SLC4A9: variants seen among roughly 807,000 people sequenced by gnomAD.
SLC4A9 encodes the protein anion exchange protein 4.
A neutral mutation model predicts 103.2 loss-of-function variants in SLC4A9; 102 were observed. The observed-to-expected ratio is 0.99, with a 90% CI of 0.84 to 1.17. SLC4A9 has a LOEUF of 1.17. Ranked by LOEUF, SLC4A9 falls within the 50% of genes most tolerant of loss-of-function variation. The probability of loss-of-function intolerance (pLI) is 0.00; values close to 1 mark genes in which losing one functional copy is unlikely to be tolerated. For synonymous variants in SLC4A9, 453 were observed against 483.6 expected, an observed-to-expected ratio of 0.94 and a Z score of 0.83; for missense variants, 1,091 against 1,193.7, an observed-to-expected ratio of 0.91 and a Z score of 1.27.
In SLC4A9 at chr5:140,361,870, G is replaced by A; in HGVS notation, c.561+7G>A. 1.9e-6 allele frequency: 3 copies of A among 1,613,662 alleles called. No individual in the cohort carries two copies. Among genetic ancestry groups the A allele is most frequent in the East Asian group, 4.5e-5 (2 of 44,880 alleles). ...AGCCCCCCTGAGGGAACAGGTTTGT[G>A]GCCCTTCCTTGGGGTCCCTTTCCAG... is the stretch of plus-strand genomic sequence containing the variant. On this transcript the variant is annotated splice_region_variant and intron_variant, in intron 4 of 21. Coordinates refer to ENST00000506757, the MANE Select transcript of SLC4A9 (RefSeq NM_031467.3).
rs779714838 is a variant in SLC4A9, at chr5:140,363,699, C to G, written c.1080-29C>G. Reference sequence around the variant, plus strand: ...GGATGCGGGTGTGGAGTGTGAAAACCTGGATCACTGACGACCCTCGGGCGG... The same window carrying G: ...GGATGCGGGTGTGGAGTGTGAAAACGTGGATCACTGACGACCCTCGGGCGG... On this transcript the variant is annotated intron_variant, in intron 8 of 21. Coordinates refer to ENST00000506757, the MANE Select transcript of SLC4A9 (RefSeq NM_031467.3). The surrounding 1 kb of genome is among the most constrained non-coding windows in gnomAD (Gnocchi z 4.5). 30 of 1,611,238 alleles carry G rather than the reference C, an allele frequency of 1.9e-5. No homozygotes were observed. The highest frequency in any genetic ancestry group is 2.3e-5 in the Non-Finnish European group (27 of 1,178,540).
In SLC4A9 at chr5:140,360,987, T is replaced by G. The variant is rs944662779; in HGVS notation, c.391+15T>G. 1.2e-5 allele frequency: 19 copies of G among 1,553,958 alleles called. No individual in the cohort carries two copies. The highest frequency in any genetic ancestry group is 1.6e-5 in the Non-Finnish European group (18 of 1,148,180). Reference sequence around the variant, plus strand: ...GGAGCTCGTGGGTAGGCTGGGATCCTTTGCAGGAAGGGCCTGGGTAGCCAT... The same window carrying G: ...GGAGCTCGTGGGTAGGCTGGGATCCGTTGCAGGAAGGGCCTGGGTAGCCAT... On this transcript the variant is annotated intron_variant, in intron 2 of 21. Transcript: ENST00000506757.
intron 17 of SLC4A9, 21 bp from the exon 18 acceptor site, chr5:140,371,074 C>T: frequency 6.2e-7 from 1 of 1,603,262 alleles, no homozygotes; most frequent in East Asian, 2.2e-5. Flanking sequence ...ACTTTGATAA[C>T]TCTCTGCTTC....
chr5:140,374,474 C>T (rs948752263), intron 21 of SLC4A9, among the ~76,000 whole-genome samples: 10 of 141,134 alleles, frequency 7.1e-5, no homozygotes, highest in African/African-American at 1.6e-4. Flanking sequence ...TGCCTGAACC[C>T]GGGAGGCGGA....
At chr5:140,370,990 A>G (rs1282059007) in intron 17 of SLC4A9, 105 bp from the exon 18 acceptor site, 3 of 942,640 alleles carry the variant, frequency 3.2e-6, no homozygotes, top group Non-Finnish European at 5.0e-6. Flanking sequence ...GCCTGGGCAG[A>G]CCTGGATGCT....
At position 140,368,663 on chromosome 5, in the gene SLC4A9, C is replaced by G. The variant is rs544378572; in HGVS notation, c.2427+4C>G. The G allele has an allele frequency of 1.2e-6, 2 of 1,612,634 alleles. No homozygotes were observed. The highest frequency in any genetic ancestry group is 2.2e-5 in the South Asian group (2 of 90,870). ...CTTCCTGGCACCTGTGCTCAAGGTA[C>G]CTTTGTTATACAAGCCAGGATCAGG... On this transcript the variant is annotated splice_donor_region_variant and intron_variant, in intron 17 of 21. Transcript: ENST00000506757.
At chr5:140,368,523 A>T in intron 16 of SLC4A9, 64 bp from the exon 17 acceptor site, 1 of 1,435,616 alleles carries the variant, frequency 7.0e-7, no homozygotes, top group Non-Finnish European at 9.7e-7. Flanking sequence ...TTCAGCCAGG[A>T]TCTCCAGTCT....
chr5:140,373,853 C>G (rs541840757), intron 21 of SLC4A9, among the ~76,000 whole-genome samples: 26 of 152,044 alleles, frequency 1.7e-4, no homozygotes, highest in Non-Finnish European at 2.9e-4. Flanking sequence ...CTAAGGAAGG[C>G]CACAGCATGT....
Position 140,365,927 on chromosome 5 carries a change from G to A in SLC4A9, c.1804G>A (p.Asp602Asn). 5 of 1,614,036 alleles carry A rather than the reference G, an allele frequency of 3.1e-6. No individual in the cohort carries two copies. Among genetic ancestry groups the A allele is most frequent in the Non-Finnish European group, 4.2e-6 (5 of 1,179,892 alleles). ...PRGPGCHTVP[D>N]IAFFSLLLFL... ...TGGCCCTGGCTGTCATACAGTCCCA[G>A]ACATTGCCTTCTTCTCCCTTCTCCT... Residue 602 changes from aspartate (D) to asparagine (N), a missense_variant, in exon 13 of 22, where the codon GAC becomes AAC. Coordinates refer to ENST00000506757, the MANE Select transcript of SLC4A9 (RefSeq NM_031467.3).
intron 17 of SLC4A9, among the ~76,000 whole-genome samples, chr5:140,369,581 G>A (rs548618417): frequency 2.0e-5 from 3 of 152,292 alleles, no homozygotes; most frequent in African/African-American, 7.2e-5. Context: ...CTGGCAGGAC[G>A]ACAAGAGGTT....
rs1768058654 is a variant in SLC4A9, at chr5:140,367,496, T to C, written c.2090T>C (p.Leu697Pro). Reference sequence around the variant, plus strand: ...TGGTGGTGGAGTGTGGCAGCTGCCCTGCCTGCCCTGCTGCTGTCTATCCTC... The same window carrying C: ...TGGTGGTGGAGTGTGGCAGCTGCCCCGCCTGCCCTGCTGCTGTCTATCCTC... ...NPWWWSVAAA[L>P]PALLLSILIF... Residue 697 changes from leucine (L) to proline (P), a missense_variant, in exon 15 of 22, where the codon CTG becomes CCG. Leu to Pro is a moderately conservative substitution (Grantham distance 98). Coordinates refer to ENST00000506757, the MANE Select transcript of SLC4A9 (RefSeq NM_031467.3). The C allele has an allele frequency of 6.2e-7, 1 of 1,605,464 alleles. No individual in the cohort carries two copies. The highest frequency in any genetic ancestry group is 1.1e-5 in the South Asian group (1 of 89,452).
At chr5:140,370,118 GA>G (rs1285887964) in intron 17 of SLC4A9, among the ~76,000 whole-genome samples, 4 of 152,172 alleles carry the variant, frequency 2.6e-5, no homozygotes, top group South Asian at 2.1e-4. Context: ...GTGCTCAAAA[GA>G]AATCATTTTT....
rs532561875 is a variant in SLC4A9, at chr5:140,371,339, C to T, written c.2497-112C>T. 21 of 1,452,440 alleles carry T rather than the reference C, an allele frequency of 1.4e-5. No individual in the cohort carries two copies. The East Asian group carries it at 1.8e-4, about 13-fold the overall frequency. The allele number at this position is 1,452,440 out of a possible 1,614,324, so 90.0% of individuals were successfully genotyped here. ...CCTGTCTCTCCTGGACTCAGGGACT[C>T]GGCTGCCATGCTCTCTGCCTGCTCC... On this transcript the variant is annotated intron_variant, in intron 18 of 21. Coordinates refer to ENST00000506757, the MANE Select transcript of SLC4A9 (RefSeq NM_031467.3).
intron 11 of SLC4A9, 47 bp downstream of exon 11, chr5:140,364,672 G>A: frequency 6.4e-7 from 1 of 1,570,282 alleles, no homozygotes; most frequent in Non-Finnish European, 8.7e-7. Context: ...AAGGATGTAG[G>A]GAAGGGGAGG....
chr5:140,361,384 G>T lies in SLC4A9; in HGVS notation c.505+17G>T. The stretch of plus-strand genomic sequence containing the variant: ...CCTGCTGGGGTGAGAGCCCCTCCCT[G>T]GGCCCAGGACCAAGACCCTGGTGTG... On this transcript the variant is annotated intron_variant, in intron 3 of 21. Coordinates refer to ENST00000506757, the MANE Select transcript of SLC4A9 (RefSeq NM_031467.3). 6.5e-7 allele frequency: 1 copy of T among 1,545,818 alleles called. No homozygotes were observed. The highest frequency in any genetic ancestry group is 1.2e-5 in the South Asian group (1 of 83,872).
chr5:140,364,145 G>A lies in SLC4A9; in HGVS notation c.1346G>A (p.Gly449Glu). ...GQPLTILSST[G>E]PVLVFERLLF... Reference sequence around the variant, plus strand: ...CCCCTCACCATTCTGAGCAGCACGGGGCCAGTGCTGGTCTTTGAGCGCCTG... The same window carrying A: ...CCCCTCACCATTCTGAGCAGCACGGAGCCAGTGCTGGTCTTTGAGCGCCTG... The change falls in exon 10 of 22, where the codon GGG becomes GAG. Residue 449 changes from glycine to glutamate, a missense_variant. Coordinates refer to ENST00000506757, the MANE Select transcript of SLC4A9 (RefSeq NM_031467.3). 6.3e-7 allele frequency: 1 copy of A among 1,589,258 alleles called. No individual in the cohort carries two copies. Among genetic ancestry groups the A allele is most frequent in the African/African-American group, 1.3e-5 (1 of 74,144 alleles).
intron 20 of SLC4A9, 145 bp from the exon 21 acceptor site, chr5:140,372,600 G>A (rs534298986): frequency 2.1e-6 from 3 of 1,438,926 alleles, no homozygotes; most frequent in South Asian, 1.5e-5. Flanking sequence ...GATGTGGGTG[G>A]AAAGGGCTGA....
chr5:140,365,398 C>A, intron 11 of SLC4A9, 122 bp from the exon 12 acceptor site: 1 of 766,540 alleles, frequency 1.3e-6, no homozygotes, highest in East Asian at 2.7e-5. Context: ...ATAGAGTCAG[C>A]AGACAGATGA....
At position 140,363,711 on chromosome 5, in the gene SLC4A9, C is replaced by G; in HGVS notation, c.1080-17C>G. ...GGAGTGTGAAAACCTGGATCACTGACGACCCTCGGGCGGGAGGCTGTTTGG... is the reference window on the plus strand; with the variant it reads ...GGAGTGTGAAAACCTGGATCACTGAGGACCCTCGGGCGGGAGGCTGTTTGG... On this transcript the variant is annotated splice_polypyrimidine_tract_variant and intron_variant, in intron 8 of 21. Transcript: ENST00000506757. The surrounding 1 kb of genome is among the most constrained non-coding windows in gnomAD (Gnocchi z 4.5). 1 of 1,611,982 alleles carries G rather than the reference C, an allele frequency of 6.2e-7. No homozygotes were observed. Among genetic ancestry groups the G allele is most frequent in the Non-Finnish European group, 8.5e-7 (1 of 1,178,936 alleles).
Sources: gnomAD v4.1 joint callset for allele counts (sites outside exome capture counted in the v4.1 genomes callset) on GRCh38, gnomAD v4.1.1 for gene constraint, Gnocchi (gnomAD v3.1) non-coding constraint, MANE v1.5 for transcripts, NCBI Gene and HGNC (gene_info 2026-07-23, HGNC 2026-07-21) for gene names.